Variants in CD2AP observed in about 807,000 individuals in gnomAD.
CD2AP encodes CD2 associated protein, also known as CD2-associated protein.
A neutral mutation model predicts 85.1 loss-of-function variants in CD2AP; 46 were observed. The ratio of observed to expected loss-of-function variants is 0.54; its 90% CI spans 0.43 to 0.69. CD2AP has a LOEUF of 0.69. Ranked by LOEUF, CD2AP falls within the 30% of genes least tolerant of loss-of-function variation. The pLI is 0.00. For missense variants in CD2AP, 769 were observed against 729.5 expected (o/e 1.05, Z -0.62); for synonymous variants, 255 against 252.9 (o/e 1.01, Z -0.08).
At chr6:47,490,611 T>C (rs1765709375) in intron 1 of CD2AP, among the ~76,000 whole-genome samples, 1 of 152,198 alleles carries the variant, frequency 6.6e-6, no homozygotes, top group African/African-American at 2.4e-5. Context: ...TCTTTGTTTT[T>C]AGAACTGTCT....
intron 14 of CD2AP, 88 bp from the exon 15 acceptor site, chr6:47,607,838 TA>T: frequency 1.2e-6 from 1 of 837,190 alleles, no homozygotes; most frequent in Non-Finnish European, 1.9e-6. Flanking sequence ...TGAAAATCCA[TA>T]AAAGTTATTT....
chr6:47,589,393 C>CACACACACACACACACACACACAA (rs1562046161), intron 11 of CD2AP, among the ~76,000 whole-genome samples: 2 of 151,022 alleles, frequency 1.3e-5, no homozygotes, highest in African/African-American at 2.4e-5. Context: ...CACACACACA[C>CACACACACACACACACACACACAA]AAATGTATAT....
intron 2 of CD2AP, among the ~76,000 whole-genome samples, chr6:47,527,251 C>T (rs2114015510): frequency 1.3e-5 from 2 of 152,324 alleles, no homozygotes; most frequent in South Asian, 4.1e-4. Flanking sequence ...TGCTCCTACA[C>T]TCAATGAAGA....
At chr6:47,592,825 TC>T (rs1768839753) in intron 11 of CD2AP, among the ~76,000 whole-genome samples, 1 of 152,186 alleles carries the variant, frequency 6.6e-6, no homozygotes, top group Non-Finnish European at 1.5e-5. Context: ...TTGCATGTGT[TC>T]CATTTGGCTG....
Position 47,478,039 on chromosome 6 carries a change from T to TTGCCTC in CD2AP, c.-199_-194dup, listed in dbSNP as rs1200534835. On this transcript the variant is annotated 5_prime_UTR_variant, in exon 1 of 18. Coordinates refer to ENST00000359314, the MANE Select transcript of CD2AP (RefSeq NM_012120.3). ...CAGGGGTGAGGAGCTGTCGCCGCCT[T>TTGCCTC]TGCCTCTGCCTCGAGGGCCGCGCTG... The TTGCCTC allele has an allele frequency of 4.6e-6, 3 of 651,902 alleles. No individual in the cohort carries two copies. Among genetic ancestry groups the TTGCCTC allele is most frequent in the Non-Finnish European group, 7.9e-6 (3 of 377,544 alleles). 40.4% of individuals were successfully genotyped at this position (651,902 alleles called of 1,614,324 possible). A position where few individuals can be genotyped will look rare whatever the true frequency, so the allele number is the denominator to read the frequency against.
chr6:47,481,845 C>G, intron 1 of CD2AP, among the ~76,000 whole-genome samples: 2 of 152,302 alleles, frequency 1.3e-5, no homozygotes, highest in South Asian at 4.1e-4. Context: ...GTGGCATGAT[C>G]ATAGCTCACT....
intron 14 of CD2AP, among the ~76,000 whole-genome samples, chr6:47,607,148 G>A (rs887455923): frequency 7.3e-6 from 1 of 137,096 alleles, no homozygotes; most frequent in African/African-American, 2.5e-5. Flanking sequence ...ATTCTTTTTT[G>A]TGACTGAATA....
At chr6:47,546,525 T>C (rs1332750075) in intron 4 of CD2AP, among the ~76,000 whole-genome samples, 1 of 152,054 alleles carries the variant, frequency 6.6e-6, no homozygotes, top group East Asian at 1.9e-4. Context: ...CACAAAAAGA[T>C]TATTGCCTGG....
chr6:47,485,576 G>T (rs74525559), intron 1 of CD2AP, among the ~76,000 whole-genome samples: 1 of 141,188 alleles, frequency 7.1e-6, no homozygotes, highest in African/African-American at 2.5e-5. Context: ...TAGAAAGAAA[G>T]AAATAAAAAA....
At chr6:47,569,505 T>C (rs1768092825) in intron 5 of CD2AP, among the ~76,000 whole-genome samples, 1 of 151,726 alleles carries the variant, frequency 6.6e-6, no homozygotes, top group Non-Finnish European at 1.5e-5. Context: ...GATTCTTAAA[T>C]GTTTGTGCCA....
At chr6:47,507,889 A>C (rs928510042) in intron 2 of CD2AP, among the ~76,000 whole-genome samples, 4 of 152,260 alleles carry the variant, frequency 2.6e-5, no homozygotes, top group African/African-American at 9.6e-5. Context: ...GATCAGATGC[A>C]TCATCAATAT....
intron 1 of CD2AP, among the ~76,000 whole-genome samples, chr6:47,495,914 C>T (rs1357405696): frequency 3.9e-5 from 6 of 152,164 alleles, no homozygotes; most frequent in Non-Finnish European, 8.8e-5. Flanking sequence ...CTCTCTTATA[C>T]CATACAAGGA....
chr6:47,503,507 A>G, intron 2 of CD2AP, 67 bp downstream of exon 2: 1 of 1,320,884 alleles, frequency 7.6e-7, no homozygotes, highest in Non-Finnish European at 1.1e-6. Flanking sequence ...GTTAAGAAAT[A>G]GATATACTTT....
intron 2 of CD2AP, among the ~76,000 whole-genome samples, chr6:47,511,324 C>A (rs1000554699): frequency 1.3e-5 from 2 of 152,054 alleles, no homozygotes; most frequent in Non-Finnish European, 2.9e-5. Flanking sequence ...AATACCTGAC[C>A]AGTACTCCTC....
intron 4 of CD2AP, among the ~76,000 whole-genome samples, chr6:47,551,224 C>G (rs1188709601): frequency 6.6e-6 from 1 of 151,790 alleles, no homozygotes; most frequent in Non-Finnish European, 1.5e-5. Flanking sequence ...TTTTTTACAT[C>G]TCTGCTTTTA....
At chr6:47,504,913 C>T (rs889104929) in intron 2 of CD2AP, among the ~76,000 whole-genome samples, 6 of 151,272 alleles carry the variant, frequency 4.0e-5, no homozygotes, top group African/African-American at 1.2e-4. Context: ...TCTGAGCCTT[C>T]AGTGAGTCAC....
intron 4 of CD2AP, among the ~76,000 whole-genome samples, chr6:47,546,078 T>C (rs1027148812): frequency 6.6e-6 from 1 of 151,982 alleles, no homozygotes; most frequent in East Asian, 1.9e-4. Flanking sequence ...CAGAGAAAGA[T>C]GAAGCCCAGT....
In CD2AP at chr6:47,627,237, T is replaced by C. The variant is rs1490125586; in HGVS notation, c.*3010T>C. ...TTACTTCAATTTCCAAATACAAGAATAAATAGTAAACCAAAAACATTAAAA... is the reference window on the plus strand; with the variant it reads ...TTACTTCAATTTCCAAATACAAGAACAAATAGTAAACCAAAAACATTAAAA... On this transcript the variant is annotated 3_prime_UTR_variant, in exon 18 of 18. Coordinates refer to ENST00000359314, the MANE Select transcript of CD2AP (RefSeq NM_012120.3). 6.6e-6 allele frequency: 1 copy of C among 152,186 alleles called. No individual in the cohort carries two copies. The highest frequency in any genetic ancestry group is 1.5e-5 in the Non-Finnish European group (1 of 67,954). The allele number at this position is 152,186 out of a possible 1,614,324, so 9.4% of individuals were successfully genotyped here. A position where few individuals can be genotyped will look rare whatever the true frequency, so the allele number is the denominator to read the frequency against.
chr6:47,548,614 A>T (rs970983133), intron 4 of CD2AP, among the ~76,000 whole-genome samples: 1 of 152,180 alleles, frequency 6.6e-6, no homozygotes, highest in Non-Finnish European at 1.5e-5. Flanking sequence ...TTCACACCAG[A>T]ATTCTACCAG....
Sources: gnomAD v4.1 joint callset for allele counts (sites outside exome capture counted in the v4.1 genomes callset) on GRCh38, gnomAD v4.1.1 for gene constraint, MANE v1.5 for transcripts, NCBI Gene and HGNC (gene_info 2026-07-23, HGNC 2026-07-21) for gene names.